Variants in OR10J1 observed in about 807,000 individuals in gnomAD.
The protein encoded by OR10J1 is olfactory receptor family 10 subfamily J member 1.
For synonymous variants in OR10J1, 202 were observed against 143.8 expected (o/e 1.40, Z -2.89); for missense variants, 474 against 376.6 (o/e 1.26, Z -2.14).
chr1:159,434,006 T>C (rs1315076010), upstream of OR10J1, among the ~76,000 whole-genome samples: 1 of 152,216 alleles, frequency 6.6e-6, no homozygotes, highest in Non-Finnish European at 1.5e-5. Context: ...TTCAGGCTGT[T>C]TGTCCCTCTT....
chr1:159,403,334 G>C, the OR10J1 span, among the ~76,000 whole-genome samples: 4 of 152,172 alleles, frequency 2.6e-5, no homozygotes, highest in African/African-American at 9.6e-5. Flanking sequence ...ACAACCCACA[G>C]AATGGAAGAC....
the OR10J1 span, among the ~76,000 whole-genome samples, chr1:159,431,964 C>T: frequency 6.6e-6 from 1 of 152,166 alleles, no homozygotes; most frequent in Non-Finnish European, 1.5e-5. Context: ...ACTCCCTTTA[C>T]ACATTTACTT....
the OR10J1 span, among the ~76,000 whole-genome samples, chr1:159,431,365 G>C: frequency 6.6e-6 from 1 of 152,210 alleles, no homozygotes; most frequent in Non-Finnish European, 1.5e-5. Flanking sequence ...GTTTTGAGGA[G>C]AGGGACTCCA....
the OR10J1 span, among the ~76,000 whole-genome samples, chr1:159,416,127 C>T: frequency 6.6e-6 from 1 of 152,038 alleles, no homozygotes; most frequent in Admixed American, 6.6e-5. Flanking sequence ...ATATCATCAG[C>T]AAAGAGTGAC....
chr1:159,416,389 T>C, the OR10J1 span, among the ~76,000 whole-genome samples: 1 of 151,886 alleles, frequency 6.6e-6, no homozygotes, highest in Non-Finnish European at 1.5e-5. Context: ...TTTTTTATCA[T>C]GGGGGAATAT....
chr1:159,423,691 C>T, the OR10J1 span, among the ~76,000 whole-genome samples: 794 of 152,268 alleles, frequency 5.2e-3, 1 homozygote, highest in Non-Finnish European at 8.9e-3. Flanking sequence ...TCTCCTTTTC[C>T]TTCTTTGACT....
chr1:159,429,022 G>A, the OR10J1 span, among the ~76,000 whole-genome samples: 28 of 152,190 alleles, frequency 1.8e-4, no homozygotes, highest in Non-Finnish European at 3.5e-4. Context: ...CTTCAGAAAG[G>A]CCCATCTTGG....
chr1:159,417,580 G>T, the OR10J1 span, among the ~76,000 whole-genome samples: 1 of 152,228 alleles, frequency 6.6e-6, no homozygotes, highest in Admixed American at 6.5e-5. Flanking sequence ...TGCCTCCTCA[G>T]CCACGTGGAA....
rs746056497 is a variant in OR10J1 at position 159,440,740 on chromosome 1, C to A, written c.*19C>A. On this transcript the variant is annotated 3_prime_UTR_variant, in exon 1 of 1. Transcript: ENST00000423932. ...TTCCTGACCATGTAGGAAGAGTTCT[C>A]CTGAGGCTGTCAACATCCACACTAG... 1 of 1,596,050 alleles carries A rather than the reference C, an allele frequency of 6.3e-7. No homozygotes were observed. Among genetic ancestry groups the A allele is most frequent in the South Asian group, 1.1e-5 (1 of 88,726 alleles).
chr1:159,426,402 T>C, the OR10J1 span, among the ~76,000 whole-genome samples: 1 of 151,976 alleles, frequency 6.6e-6, no homozygotes, highest in South Asian at 2.1e-4. Flanking sequence ...ATATTGCTCA[T>C]AACAAACAAA....
At chr1:159,402,420 A>G in the OR10J1 span, among the ~76,000 whole-genome samples, 830 of 152,232 alleles carry the variant, frequency 5.5e-3, 10 homozygotes, top group African/African-American at 0.019. Context: ...CTTGCAGGAT[A>G]AAAAATGAAC....
the OR10J1 span, among the ~76,000 whole-genome samples, chr1:159,406,785 T>G: frequency 1.1e-4 from 17 of 152,148 alleles, no homozygotes; most frequent in Non-Finnish European, 2.1e-4. Flanking sequence ...TAGTGAATGT[T>G]GATAAATATC....
the OR10J1 span, among the ~76,000 whole-genome samples, chr1:159,426,913 A>G: frequency 2.6e-5 from 4 of 151,926 alleles, no homozygotes; most frequent in Non-Finnish European, 5.9e-5. Flanking sequence ...GCACTTTGAA[A>G]TATTTACTCA....
rs1439130651 is a variant in OR10J1 at position 159,440,068 on chromosome 1, T to C, written c.277T>C (p.Ser93Pro). 6.2e-7 allele frequency: 1 copy of C among 1,614,124 alleles called. No homozygotes were observed. The highest frequency in any genetic ancestry group is 1.1e-5 in the South Asian group (1 of 91,078). The change falls in exon 1 of 1, where the codon TCA (serine) becomes CCA (proline). Residue 93 changes from serine (S) to proline (P), a missense_variant. Coordinates refer to ENST00000423932, the MANE Select transcript of OR10J1 (RefSeq NM_012351.3). The part of the protein sequence containing the change: ...SSLVGMSQPI[S>P]LAGCATQMFF... ...CCTCGTAGGTATGAGCCAGCCCATA[T>C]CATTGGCAGGGTGTGCCACACAGAT...
chr1:159,411,592 C>G, the OR10J1 span, among the ~76,000 whole-genome samples: 42 of 152,146 alleles, frequency 2.8e-4, no homozygotes, highest in African/African-American at 1.0e-3. Flanking sequence ...CTATATGTGT[C>G]TCTGCACATG....
At chr1:159,418,970 G>T in the OR10J1 span, among the ~76,000 whole-genome samples, 2 of 152,180 alleles carry the variant, frequency 1.3e-5, no homozygotes, top group African/African-American at 4.8e-5. Context: ...CTTGCATGGG[G>T]CCTGTAGCCC....
the OR10J1 span, among the ~76,000 whole-genome samples, chr1:159,431,594 T>A: frequency 6.6e-6 from 1 of 152,222 alleles, no homozygotes; most frequent in South Asian, 2.1e-4. Flanking sequence ...CTACATCTAC[T>A]TCTAGTCAAA....
the OR10J1 span, among the ~76,000 whole-genome samples, chr1:159,409,699 G>A: frequency 6.6e-6 from 1 of 151,962 alleles, no homozygotes; most frequent in African/African-American, 2.4e-5. Flanking sequence ...TGGCTCAAAT[G>A]TTGAAGACAG....
the OR10J1 span, chr1:159,432,667 G>A: frequency 2.4e-6 from 1 of 423,544 alleles, no homozygotes; most frequent in Admixed American, 4.0e-5. Context: ...ATTGGCCTGA[G>A]CACAGCTATC....
Sources: allele counts gnomAD v4.1 joint callset (sites outside exome capture counted in the v4.1 genomes callset), GRCh38; gene constraint gnomAD v4.1.1; transcripts MANE v1.5; gene names NCBI Gene and HGNC (gene_info 2026-07-23, HGNC 2026-07-21).